Variants in HDAC9 observed in about 807,000 individuals in gnomAD.
HDAC9 encodes the protein histone deacetylase 9.
Under a neutral mutation model 139.4 loss-of-function variants are expected in HDAC9, and 41 were observed. The observed-to-expected ratio is 0.29, with a 90% CI of 0.23 to 0.38. The LOEUF (loss-of-function observed/expected upper bound fraction) is 0.38, where lower values mean the gene tolerates loss of function less well. HDAC9 is among the 10% of genes least tolerant of loss of function. The pLI is 1.00. For missense variants in HDAC9, 1,147 were observed against 1,297.0 expected (o/e 0.88, Z 1.78); for synonymous variants, 517 against 476.2 (o/e 1.09, Z -1.12).
intron 2 of HDAC9, among the ~76,000 whole-genome samples, chr7:18,530,676 C>T (rs1227601995): frequency 6.6e-6 from 1 of 151,898 alleles, no homozygotes; most frequent in Non-Finnish European, 1.5e-5. Context: ...GCATTGTGAA[C>T]TCACCATCTG....
chr7:18,220,559 C>A (rs1040986012), intron 2 of HDAC9, among the ~76,000 whole-genome samples: 1 of 151,892 alleles, frequency 6.6e-6, no homozygotes, highest in African/African-American at 2.4e-5. Flanking sequence ...TGTCATAAGC[C>A]CAGGAATAGT....
chr7:18,927,615 G>A (rs1804351893), intron 22 of HDAC9, among the ~76,000 whole-genome samples: 1 of 152,188 alleles, frequency 6.6e-6, no homozygotes, highest in African/African-American at 2.4e-5. Context: ...GGGCAACAAT[G>A]TGTGACTCCT....
chr7:18,952,991 C>G (rs1782905279), intron 23 of HDAC9, among the ~76,000 whole-genome samples: 1 of 151,884 alleles, frequency 6.6e-6, no homozygotes, highest in African/African-American at 2.4e-5. Context: ...AATAAAGGTG[C>G]TATTGTTGTA....
rs1220078766 is a variant in HDAC9 at position 18,135,043 on chromosome 7, AG to A, written c.-96-27185del. On this transcript the variant is annotated intron_variant, in intron 1 of 12. Coordinates refer to the HDAC9 transcript ENST00000417496. ...ATCCTGGAAGCATGATAGTAATAGT[AG>A]TAATGGTAGTGATATAATGAGTTCA... 9.9e-5 allele frequency among the ~76,000 whole-genome samples: 15 copies of A among 152,152 alleles called. 1 individual carries two copies. The highest frequency in any genetic ancestry group is 1.6e-4 in the Non-Finnish European group (11 of 68,014).
At position 18,840,022 on chromosome 7, in the gene HDAC9, T is replaced by A. The variant is rs545393383; in HGVS notation, c.2684+4025T>A. Among the ~76,000 whole-genome samples, 3 of 152,200 alleles carry A rather than the reference T, an allele frequency of 2.0e-5. No homozygotes were observed. In the East Asian group the frequency reaches 5.8e-4, roughly 29 times the overall value. On this transcript the variant is annotated intron_variant, in intron 21 of 25. Transcript: ENST00000686413. ...AGTAGCAATTTCCAACGAATAAGAT[T>A]TTATTTAGTAGTCCTTGAAATTATG...
At chr7:18,903,880 C>A (rs1585271115) in intron 22 of HDAC9, among the ~76,000 whole-genome samples, 1 of 152,130 alleles carries the variant, frequency 6.6e-6, no homozygotes, top group Admixed American at 6.5e-5. Flanking sequence ...AATCTGGAGT[C>A]ACTTTAATGT....
At chr7:18,315,687 G>A (rs757536550) in intron 1 of HDAC9, among the ~76,000 whole-genome samples, 1 of 152,176 alleles carries the variant, frequency 6.6e-6, no homozygotes, top group Admixed American at 6.5e-5. Flanking sequence ...AGGTTGGGGG[G>A]AGTTTCTAGG....
chr7:18,122,811 G>C (rs1167491926), intron 1 of HDAC9, among the ~76,000 whole-genome samples: 1 of 152,088 alleles, frequency 6.6e-6, no homozygotes, highest in Non-Finnish European at 1.5e-5. Context: ...TTGAGATGGG[G>C]TTTCACCATG....
chr7:18,928,906 TTTA>T (rs1438010462), intron 22 of HDAC9, among the ~76,000 whole-genome samples: 1 of 152,014 alleles, frequency 6.6e-6, no homozygotes, highest in Non-Finnish European at 1.5e-5. Flanking sequence ...ATACTATTTA[TTTA>T]TTATTTTCTA....
intron 12 of HDAC9, among the ~76,000 whole-genome samples, chr7:18,673,970 A>G (rs1287979965): frequency 6.6e-6 from 1 of 152,022 alleles, no homozygotes; most frequent in East Asian, 1.9e-4. Flanking sequence ...TTCTCATCTC[A>G]AAGTTAGTAA....
At chr7:18,926,991 C>G (rs774080645) in intron 22 of HDAC9, among the ~76,000 whole-genome samples, 1 of 152,056 alleles carries the variant, frequency 6.6e-6, no homozygotes, top group Admixed American at 6.6e-5. Context: ...AAATTGATTT[C>G]CGGATTCAGT....
intron 13 of HDAC9, among the ~76,000 whole-genome samples, chr7:18,729,033 G>A (rs1785802604): frequency 6.6e-6 from 1 of 152,154 alleles, no homozygotes; most frequent in Non-Finnish European, 1.5e-5. Context: ...CCCAGTGTTA[G>A]TGGCAGCCTT....
At chr7:18,416,471 A>G (rs1789075982) in intron 1 of HDAC9, among the ~76,000 whole-genome samples, 1 of 152,132 alleles carries the variant, frequency 6.6e-6, no homozygotes, top group South Asian at 2.1e-4. Flanking sequence ...GGAGCTGTGT[A>G]GAATTGGTAT....
At chr7:18,102,948 A>G (rs1469229694) in intron 1 of HDAC9, among the ~76,000 whole-genome samples, 2 of 152,222 alleles carry the variant, frequency 1.3e-5, no homozygotes, top group Non-Finnish European at 2.9e-5. Flanking sequence ...AAGAAGGCCT[A>G]GGACAGTGTA....
chr7:18,472,490 G>C (rs1794800081), intron 1 of HDAC9, among the ~76,000 whole-genome samples: 1 of 152,204 alleles, frequency 6.6e-6, no homozygotes, highest in Admixed American at 6.5e-5. Context: ...GACAGGTTCT[G>C]ACTGCTGTCT....
chr7:18,666,915 C>A, intron 12 of HDAC9: 1 of 996,498 alleles, frequency 1.0e-6, no homozygotes, highest in Non-Finnish European at 1.2e-6. Context: ...TGATTTTTTG[C>A]AACATCTAGA....
chr7:18,944,692 C>A (rs1782252458), intron 23 of HDAC9, among the ~76,000 whole-genome samples: 2 of 152,002 alleles, frequency 1.3e-5, no homozygotes, highest in East Asian at 1.9e-4. Context: ...TGAAAAGCCC[C>A]CACATTCCTT....
At chr7:18,251,867 T>C (rs1225058370) in intron 2 of HDAC9, among the ~76,000 whole-genome samples, 1 of 152,220 alleles carries the variant, frequency 6.6e-6, no homozygotes, top group Non-Finnish European at 1.5e-5. Context: ...AAGTTAGTAT[T>C]AGAAACTTAC....
chr7:18,640,241 A>G (rs375635709), intron 8 of HDAC9, among the ~76,000 whole-genome samples: 1 of 143,300 alleles, frequency 7.0e-6, no homozygotes, highest in Non-Finnish European at 1.5e-5. Context: ...CTACAGGGAG[A>G]AAAAAAAAAA....
Sources: gnomAD v4.1 joint callset for allele counts (sites outside exome capture counted in the v4.1 genomes callset) on GRCh38, gnomAD v4.1.1 for gene constraint, MANE v1.5 for transcripts, NCBI Gene and HGNC (gene_info 2026-07-23, HGNC 2026-07-21) for gene names.